The following SLC35D4 variants were observed in gnomAD, a reference collection of about 807,000 sequenced individuals.
SLC35D4 encodes the protein solute carrier family 35 member D4, also known as UDP-N-acetylglucosamine transporter SLC35D4.
chr18:23,354,492 C>T, the SLC35D4 span, among the ~76,000 whole-genome samples: 1 of 150,346 alleles, frequency 6.7e-6, no homozygotes, highest in Non-Finnish European at 1.5e-5. Context: ...TGCACTCTAA[C>T]CTGGGCGACA....
chr18:23,370,323 TC>T, the SLC35D4 span: 1 of 1,552,898 alleles, frequency 6.4e-7, no homozygotes, highest in Non-Finnish European at 8.8e-7. Context: ...TGCTGGCCTG[TC>T]CGGGGACACA....
At chr18:23,280,468 A>G in the SLC35D4 span, among the ~76,000 whole-genome samples, 1 of 152,236 alleles carries the variant, frequency 6.6e-6, no homozygotes, top group South Asian at 2.1e-4. Context: ...TCTACCAGCC[A>G]TATCTGTAAT....
the SLC35D4 span, among the ~76,000 whole-genome samples, chr18:23,263,412 G>A: frequency 4.3e-4 from 66 of 152,360 alleles, no homozygotes; most frequent in Non-Finnish European, 6.8e-4. Context: ...TCTTGGGTCT[G>A]AGTGGCCTCC....
the SLC35D4 span, among the ~76,000 whole-genome samples, chr18:23,268,459 T>C: frequency 1.3e-5 from 2 of 152,164 alleles, no homozygotes; most frequent in Admixed American, 1.3e-4. Flanking sequence ...TGCAAATCCC[T>C]GGGAATTCTG....
At chr18:23,327,226 CAAA>C in the SLC35D4 span, among the ~76,000 whole-genome samples, 1 of 151,884 alleles carries the variant, frequency 6.6e-6, no homozygotes, top group Non-Finnish European at 1.5e-5. Flanking sequence ...GATAGAGACA[CAAA>C]AAACCCTTCA....
At chr18:23,412,914 G>A in the SLC35D4 span, among the ~76,000 whole-genome samples, 1 of 152,204 alleles carries the variant, frequency 6.6e-6, no homozygotes, top group Admixed American at 6.5e-5. Flanking sequence ...TTAGAATAAG[G>A]CAGTCTGAGT....
the SLC35D4 span, among the ~76,000 whole-genome samples, chr18:23,311,163 G>A: frequency 4.7e-5 from 7 of 150,228 alleles, no homozygotes; most frequent in East Asian, 2.0e-4. Flanking sequence ...GTGCAGTGGC[G>A]TGATCTCAGC....
the SLC35D4 span, among the ~76,000 whole-genome samples, chr18:23,384,236 A>T: frequency 6.6e-6 from 1 of 152,150 alleles, no homozygotes; most frequent in African/African-American, 2.4e-5. Flanking sequence ...GGCTGCAGGG[A>T]ACTATTACTG....
chr18:23,269,151 C>T, the SLC35D4 span, among the ~76,000 whole-genome samples: 6 of 152,180 alleles, frequency 3.9e-5, no homozygotes, highest in African/African-American at 1.2e-4. Flanking sequence ...TATGGTTTGG[C>T]TGTGTCCCCA....
chr18:23,319,690 C>T, the SLC35D4 span, among the ~76,000 whole-genome samples: 120 of 152,304 alleles, frequency 7.9e-4, no homozygotes, highest in African/African-American at 2.7e-3. Flanking sequence ...CCACCTGCCT[C>T]GGCCTTCCAA....
chr18:23,422,827 G>A, the SLC35D4 span, among the ~76,000 whole-genome samples: 2 of 150,696 alleles, frequency 1.3e-5, no homozygotes, highest in Non-Finnish European at 3.0e-5. Flanking sequence ...CCCCCCCAAT[G>A]CAGAAAGCAC....
chr18:23,355,342 C>T, the SLC35D4 span, among the ~76,000 whole-genome samples: 1 of 152,068 alleles, frequency 6.6e-6, no homozygotes, highest in Non-Finnish European at 1.5e-5. Flanking sequence ...TCCAAATAAC[C>T]AAACAATGGT....
the SLC35D4 span, among the ~76,000 whole-genome samples, chr18:23,367,506 G>A: frequency 2.0e-5 from 3 of 152,040 alleles, no homozygotes; most frequent in Non-Finnish European, 4.4e-5. Flanking sequence ...CGATGGGAGG[G>A]TGCCAAAGAT....
the SLC35D4 span, among the ~76,000 whole-genome samples, chr18:23,269,424 G>C: frequency 6.6e-6 from 1 of 152,240 alleles, no homozygotes; most frequent in South Asian, 2.1e-4. Flanking sequence ...GCTGAACTGT[G>C]AGTCAATTAA....
At chr18:23,269,472 T>A in the SLC35D4 span, among the ~76,000 whole-genome samples, 2 of 152,232 alleles carry the variant, frequency 1.3e-5, no homozygotes, top group African/African-American at 4.8e-5. Flanking sequence ...CTTGGGCATG[T>A]CTTTATTAGC....
the SLC35D4 span, among the ~76,000 whole-genome samples, chr18:23,407,347 C>G: frequency 6.6e-6 from 1 of 152,166 alleles, no homozygotes; most frequent in Non-Finnish European, 1.5e-5. Flanking sequence ...CAGAAACCAT[C>G]AAGGAAGACT....
the SLC35D4 span, chr18:23,365,686 A>G: frequency 1.2e-6 from 2 of 1,612,890 alleles, no homozygotes; most frequent in Non-Finnish European, 1.7e-6. Flanking sequence ...AGAGACAGCA[A>G]AGTAGTCAAG....
the SLC35D4 span, among the ~76,000 whole-genome samples, chr18:23,260,671 C>G: frequency 6.6e-6 from 1 of 151,302 alleles, no homozygotes; most frequent in Non-Finnish European, 1.5e-5. Flanking sequence ...GTTACCTGTT[C>G]AGCAACAAAA....
At chr18:23,414,331 A>AAGGAAGGCAGGCAGGC in the SLC35D4 span, among the ~76,000 whole-genome samples, 19 of 140,556 alleles carry the variant, frequency 1.4e-4, no homozygotes, top group African/African-American at 3.8e-4. Flanking sequence ...GGAAGGAAGG[A>AAGGAAGGCAGGCAGGC]AGGCAGGCAG....
Sources: gnomAD v4.1 joint callset for allele counts (sites outside exome capture counted in the v4.1 genomes callset) on GRCh38, gnomAD v4.1.1 for gene constraint, MANE v1.5 for transcripts, NCBI Gene and HGNC (gene_info 2026-07-23, HGNC 2026-07-21) for gene names.